ANO1: variants seen among roughly 807,000 people sequenced by gnomAD.
ANO1 encodes anoctamin-1.
A neutral mutation model predicts 124.0 loss-of-function variants in ANO1; 59 were observed. That is an observed-to-expected ratio of 0.48 (90% CI 0.39 to 0.59). The LOEUF is 0.59. Ranked by LOEUF, ANO1 falls within the 20% of genes least tolerant of loss-of-function variation. The pLI, the probability that ANO1 is intolerant of heterozygous loss-of-function variation, is 0.00. For missense variants in ANO1, 1,059 were observed against 1,328.0 expected (o/e 0.80, Z 3.15); for synonymous variants, 529 against 532.0 (o/e 0.99, Z 0.08).
At chr11:70,167,123 A>T (rs2048284399) in intron 20 of ANO1, 119 bp from the exon 21 acceptor site, 1 of 1,326,760 alleles carries the variant, frequency 7.5e-7, no homozygotes. Context: ...CTCCAGCCTG[A>T]GCAAAAAGAG....
chr11:70,004,710 T>C (rs1167412783), intron 1 of ANO1, among the ~76,000 whole-genome samples: 1 of 152,250 alleles, frequency 6.6e-6, no homozygotes, highest in East Asian at 1.9e-4. Flanking sequence ...TCTTCTAGAC[T>C]TGGCAAATAA....
intron 1 of ANO1, chr11:70,020,863 AAAAC>A (rs782129471): frequency 1.3e-5 from 2 of 152,390 alleles, no homozygotes; most frequent in East Asian, 1.9e-4. Flanking sequence ...TGGACTATTC[AAAAC>A]AAACAAAGAG....
At position 70,180,129 on chromosome 11, in the gene ANO1, A is replaced by G. The variant is rs928720453; in HGVS notation, c.2403+73A>G. ...GCCAGGTGGCCGGGGCCCTGTGGAG[A>G]AGGAGCTGGGCATGGGTCTTCTGCC... On this transcript the variant is annotated intron_variant, in intron 23 of 25. Transcript: ENST00000355303. The G allele has an allele frequency of 2.1e-5, 29 of 1,410,918 alleles. No individual in the cohort carries two copies. The African/African-American group carries it at 3.7e-4, about 18-fold the overall frequency. 87.4% of individuals were successfully genotyped at this position (1,410,918 alleles called of 1,614,324 possible). A position where few individuals can be genotyped will look rare whatever the true frequency, so the allele number is the denominator to read the frequency against.
rs67993242 is a variant in ANO1, at chr11:70,085,958, G to A, written c.109-1794G>A. On this transcript the variant is annotated intron_variant, in intron 1 of 25. Coordinates refer to ENST00000355303, the MANE Select transcript of ANO1 (RefSeq NM_018043.7). The stretch of plus-strand genomic sequence containing the variant: ...GCCCAGGGGCTCCAGGCGACCACGT[G>A]GGGGGACCCTCCAGGCCAGCGAGGC... Among the ~76,000 whole-genome samples, 4 of 152,262 alleles carry A rather than the reference G, an allele frequency of 2.6e-5. No homozygotes were observed. The East Asian group carries it at 5.8e-4, about 22-fold the overall frequency.
At chr11:70,162,688 T>A (rs944217912) in intron 18 of ANO1, among the ~76,000 whole-genome samples, 1 of 152,016 alleles carries the variant, frequency 6.6e-6, no homozygotes, top group Non-Finnish European at 1.5e-5. Context: ...ATCATGTGAT[T>A]CACCAGTGCC....
At chr11:70,036,348 A>G (rs560116964) in intron 1 of ANO1, among the ~76,000 whole-genome samples, 15 of 152,246 alleles carry the variant, frequency 9.9e-5, no homozygotes, top group African/African-American at 3.1e-4. Flanking sequence ...TTTGGGGGTC[A>G]CTTGGATAAT....
intron 1 of ANO1, among the ~76,000 whole-genome samples, chr11:70,032,507 T>A (rs1006549923): frequency 3.8e-5 from 5 of 129,916 alleles, no homozygotes; most frequent in Admixed American, 3.2e-4. Context: ...GCAAAAAAGA[T>A]GGGAGAGTGA....
At chr11:69,989,109 C>A (rs2120289925) in intron 1 of ANO1, among the ~76,000 whole-genome samples, 1 of 152,270 alleles carries the variant, frequency 6.6e-6, no homozygotes, top group East Asian at 1.9e-4. Flanking sequence ...TCATCATGTA[C>A]AATCCCCACT....
At chr11:70,165,658 C>T (rs538016306) in intron 20 of ANO1, 88 bp downstream of exon 20, 2 of 1,082,090 alleles carry the variant, frequency 1.8e-6, no homozygotes, top group African/African-American at 1.6e-5. Flanking sequence ...TGGGTGGACG[C>T]GGGGCCTCAA....
chr11:70,174,484 C>T (rs1236927675), intron 22 of ANO1, among the ~76,000 whole-genome samples: 1 of 152,182 alleles, frequency 6.6e-6, no homozygotes, highest in South Asian at 2.1e-4. Context: ...CGTCTTTGCA[C>T]ACCCGCTCTC....
At chr11:70,117,361 G>C (rs868361091) in intron 8 of ANO1, among the ~76,000 whole-genome samples, 1 of 151,936 alleles carries the variant, frequency 6.6e-6, no homozygotes, top group African/African-American at 2.4e-5. Flanking sequence ...GTGAGTCACC[G>C]CACCCAGCCA....
intron 7 of ANO1, among the ~76,000 whole-genome samples, chr11:70,115,658 G>C (rs762100602): frequency 1.3e-5 from 2 of 151,972 alleles, no homozygotes; most frequent in African/African-American, 2.4e-5. Context: ...AAAACTATTA[G>C]CCAGGCCAGG....
intron 15 of ANO1, 76 bp downstream of exon 15, chr11:70,156,064 C>T (rs1015452768): frequency 7.6e-7 from 1 of 1,312,430 alleles, no homozygotes. Context: ...TTTTCCTCAA[C>T]AAACTGTTGT....
chr11:70,119,313 G>A (rs2046147145), intron 8 of ANO1, among the ~76,000 whole-genome samples: 1 of 148,056 alleles, frequency 6.8e-6, no homozygotes, highest in South Asian at 2.2e-4. Context: ...TGGGTGATGG[G>A]TGGGTGGATG....
At chr11:70,082,070 G>T (rs772721189) in intron 1 of ANO1, among the ~76,000 whole-genome samples, 1 of 152,218 alleles carries the variant, frequency 6.6e-6, no homozygotes, top group East Asian at 1.9e-4. Context: ...TCTCACAGAT[G>T]AGAAAACTGA....
Position 70,163,286 on chromosome 11 carries a change from T to C in ANO1, c.1896T>C (p.Phe632=). The C allele has an allele frequency of 6.2e-7, 1 of 1,613,530 alleles. No homozygotes were observed. The highest frequency in any genetic ancestry group is 8.5e-7 in the Non-Finnish European group (1 of 1,179,856). The change falls in exon 19 of 26, where the codon TTT becomes TTC. Residue 632 remains phenylalanine (F), a synonymous_variant. Transcript: ENST00000355303. ...IFYVAFFKGR[F]VGRPGDYVYI... ...ACGACCTCCCCCATCGTTTCAGGTTTGTTGGACGCCCGGGCGACTACGTGT... is the reference window on the plus strand; with the variant it reads ...ACGACCTCCCCCATCGTTTCAGGTTCGTTGGACGCCCGGGCGACTACGTGT...
At chr11:70,061,548 C>T (rs1327467353) in intron 1 of ANO1, among the ~76,000 whole-genome samples, 1 of 148,788 alleles carries the variant, frequency 6.7e-6, no homozygotes, top group Admixed American at 6.9e-5. Context: ...GAATGTTGAG[C>T]TTATTTCTCT....
rs756392353 is a variant in ANO1, at chr11:70,187,753, A to T, written c.2710A>T (p.Met904Leu). The stretch of plus-strand genomic sequence containing the variant: ...CTCCTTCCAGAACCTGGTCATGTTC[A>T]TGAGCGACTTTGTGGACTGGGTCAT... ...VIVFQNLVMF[M>L]SDFVDWVIPD... is the part of the protein sequence containing the mutation. Residue 904 changes from methionine to leucine, a missense_variant, in exon 26 of 26, where the codon ATG (methionine) becomes TTG (leucine). Met to Leu is a conservative substitution (Grantham distance 15, BLOSUM62 2). Coordinates refer to ENST00000355303, the MANE Select transcript of ANO1 (RefSeq NM_018043.7). 4 of 1,608,698 alleles carry T rather than the reference A, an allele frequency of 2.5e-6. No individual in the cohort carries two copies. In the East Asian group the frequency reaches 8.9e-5, roughly 36 times the overall value.
chr11:70,177,597 T>TTA (rs1555054478), intron 22 of ANO1, among the ~76,000 whole-genome samples: 1 of 92,318 alleles, frequency 1.1e-5, no homozygotes, highest in Non-Finnish European at 2.1e-5. Flanking sequence ...TTTTTTTCTT[T>TTA]TTTTTTTTTT....
Sources: gnomAD v4.1 joint callset for allele counts (sites outside exome capture counted in the v4.1 genomes callset) on GRCh38, gnomAD v4.1.1 for gene constraint, MANE v1.5 for transcripts, NCBI Gene and HGNC (gene_info 2026-07-23, HGNC 2026-07-21) for gene names.